Variants in RRM2B observed in about 807,000 individuals in gnomAD.
RRM2B encodes the protein ribonucleoside-diphosphate reductase subunit M2 B.
A neutral mutation model predicts 45.9 loss-of-function variants in RRM2B; 20 were observed. That is an observed-to-expected ratio of 0.44 (90% confidence interval 0.31 to 0.63). RRM2B has a LOEUF of 0.63. Ranked by LOEUF, RRM2B falls within the 30% of genes least tolerant of loss-of-function variation. The pLI is 0.09. For missense variants in RRM2B, 320 were observed against 414.7 expected, an observed-to-expected ratio of 0.77 and a Z score of 1.98; for synonymous variants, 124 against 132.3, an observed-to-expected ratio of 0.94 and a Z score of 0.43.
At chr8:102,210,654 G>T in intron 8 of RRM2B, among the ~76,000 whole-genome samples, 1 of 152,088 alleles carries the variant, frequency 6.6e-6, no homozygotes. Flanking sequence ...GTAGAGACAG[G>T]GTTTCACCAT....
intron 5 of RRM2B, among the ~76,000 whole-genome samples, chr8:102,223,063 A>G (rs1277215583): frequency 1.3e-5 from 2 of 152,178 alleles, no homozygotes; most frequent in African/African-American, 4.8e-5. Context: ...TTCCTCACAT[A>G]AAGAATAAAA....
intron 1 of RRM2B, among the ~76,000 whole-genome samples, chr8:102,235,296 G>A (rs1436213814): frequency 3.3e-5 from 5 of 152,126 alleles, no homozygotes; most frequent in East Asian, 1.9e-4. Context: ...TTTGAATTTG[G>A]GACAAGGGGC....
intron 1 of RRM2B, among the ~76,000 whole-genome samples, chr8:102,235,103 C>T (rs1003512161): frequency 5.3e-5 from 8 of 152,110 alleles, no homozygotes; most frequent in Admixed American, 3.3e-4. Flanking sequence ...AGGCAAATAA[C>T]ATAATCAGAT....
chr8:102,225,530 C>G (rs968864751), intron 3 of RRM2B, among the ~76,000 whole-genome samples: 1 of 152,142 alleles, frequency 6.6e-6, no homozygotes, highest in Non-Finnish European at 1.5e-5. Context: ...CCGTACCCGG[C>G]CTATCTTTCT....
intron 6 of RRM2B, among the ~76,000 whole-genome samples, chr8:102,217,841 G>A (rs28928598): frequency 0.035 from 5,197 of 146,764 alleles, 150 homozygotes; most frequent in Admixed American, 0.085. Context: ...AAAAAAAAAA[G>A]GGGTGGTAAG....
Position 102,205,520 on chromosome 8 carries a change from T to C in RRM2B, c.*2613A>G, listed in dbSNP as rs1810529201. 1 of 152,150 alleles carries C rather than the reference T, an allele frequency of 6.6e-6. No individual in the cohort carries two copies. Among genetic ancestry groups the C allele is most frequent in the Non-Finnish European group, 1.5e-5 (1 of 67,972 alleles). The allele number at this position is 152,150 out of a possible 1,614,324, so 9.4% of individuals were successfully genotyped here. A position where few individuals can be genotyped will look rare whatever the true frequency, so the allele number is the denominator to read the frequency against. On this transcript the variant is annotated 3_prime_UTR_variant, in exon 9 of 9. Coordinates refer to ENST00000251810, the MANE Select transcript of RRM2B (RefSeq NM_015713.5). ...AAAACCCAGTCCTGTCTAAAAGCAA[T>C]GGATCAAACTGTCTTCTCAAGTCCT... is the stretch of plus-strand genomic sequence containing the variant.
At chr8:102,230,437 A>T (rs1811007873) in intron 2 of RRM2B, among the ~76,000 whole-genome samples, 1 of 152,196 alleles carries the variant, frequency 6.6e-6, no homozygotes, top group Non-Finnish European at 1.5e-5. Context: ...GAATCCTAAG[A>T]ATCCTAAGTA....
intron 3 of RRM2B, among the ~76,000 whole-genome samples, chr8:102,225,228 CTTTTTTTTTTT>C (rs918693739): frequency 2.5e-4 from 22 of 87,524 alleles, no homozygotes; most frequent in African/African-American, 7.6e-4. Context: ...ATAGTATATT[CTTTTTTTTTTT>C]TTTTTTTTTT....
At chr8:102,223,818 T>C (rs2132554107) in intron 5 of RRM2B, among the ~76,000 whole-genome samples, 1 of 152,308 alleles carries the variant, frequency 6.6e-6, no homozygotes, top group Middle Eastern at 3.4e-3. Context: ...AATTATGCAC[T>C]AACATCTTAA....
chr8:102,232,416 T>TCA, intron 1 of RRM2B, 112 bp from the exon 2 acceptor site: 1 of 1,059,390 alleles, frequency 9.4e-7, no homozygotes, highest in Non-Finnish European at 1.4e-6. Context: ...AGAGCCTGTC[T>TCA]GCCTGGGTTG....
chr8:102,217,151 AC>A (rs1321540430), intron 6 of RRM2B, among the ~76,000 whole-genome samples: 4 of 152,128 alleles, frequency 2.6e-5, no homozygotes, highest in African/African-American at 7.2e-5. Flanking sequence ...ATTTAACAAA[AC>A]TACTATTTTC....
rs199946278 is a variant in RRM2B, at chr8:102,208,110, A to G, written c.*23T>C. ...TACTATTTACCAATGACAAGTTTAT[A>G]GAGTTTTAAAACGAGAGGTTTTTTA... On this transcript the variant is annotated 3_prime_UTR_variant, in exon 9 of 9. Coordinates refer to ENST00000251810, the MANE Select transcript of RRM2B (RefSeq NM_015713.5). 1.1e-5 allele frequency: 17 copies of G among 1,599,422 alleles called. No individual in the cohort carries two copies. Among genetic ancestry groups the G allele is most frequent in the Middle Eastern group, 1.7e-4 (1 of 6,042 alleles).
chr8:102,233,452 G>A (rs376237454), intron 1 of RRM2B, among the ~76,000 whole-genome samples: 1 of 152,180 alleles, frequency 6.6e-6, no homozygotes, highest in Non-Finnish European at 1.5e-5. Context: ...TTGTTGTGAT[G>A]TTCCCAGAGC....
intron 1 of RRM2B, among the ~76,000 whole-genome samples, chr8:102,235,719 C>G (rs927992391): frequency 6.6e-6 from 1 of 152,096 alleles, no homozygotes; most frequent in Non-Finnish European, 1.5e-5. Flanking sequence ...TACGCCTGTA[C>G]TCCCAACTAC....
intron 6 of RRM2B, among the ~76,000 whole-genome samples, chr8:102,215,400 T>G (rs1810711851): frequency 6.7e-6 from 1 of 148,856 alleles, no homozygotes; most frequent in Admixed American, 6.7e-5. Context: ...ACAGTGAGAC[T>G]GTTTCAAAAA....
rs1810570567 is a variant in RRM2B at position 102,207,854 on chromosome 8, A to G, written c.*279T>C. Reference sequence around the variant, plus strand: ...TTGCCAAGGGTCACACACTGGAGTAAGGGCAGAACCTTAGACTCATGTCTG... The same window carrying G: ...TTGCCAAGGGTCACACACTGGAGTAGGGGCAGAACCTTAGACTCATGTCTG... On this transcript the variant is annotated 3_prime_UTR_variant, in exon 9 of 9. Coordinates refer to ENST00000251810, the MANE Select transcript of RRM2B (RefSeq NM_015713.5). 6.4e-6 allele frequency: 2 copies of G among 312,868 alleles called. No individual in the cohort carries two copies. The highest frequency in any genetic ancestry group is 8.2e-5 in the South Asian group (2 of 24,368). 19.4% of individuals were successfully genotyped at this position (312,868 alleles called of 1,614,324 possible). A position where few individuals can be genotyped will look rare whatever the true frequency, so the allele number is the denominator to read the frequency against.
intron 3 of RRM2B, 148 bp from the exon 4 acceptor site, chr8:102,225,166 G>T: frequency 3.1e-6 from 2 of 637,456 alleles, no homozygotes; most frequent in East Asian, 3.6e-5. Flanking sequence ...ATTTTAAGCA[G>T]TATCCTAGGC....
chr8:102,224,602 T>C (rs757138589), intron 4 of RRM2B, among the ~76,000 whole-genome samples: 1 of 152,206 alleles, frequency 6.6e-6, no homozygotes, highest in African/African-American at 2.4e-5. Flanking sequence ...ACTCAAATTA[T>C]TGGTTTGAAT....
chr8:102,211,793 T>A (rs1810640407), intron 8 of RRM2B, among the ~76,000 whole-genome samples: 1 of 152,196 alleles, frequency 6.6e-6, no homozygotes, highest in Non-Finnish European at 1.5e-5. Context: ...ATCTTGCAAC[T>A]AAAATGTTAA....
Sources: gnomAD v4.1 joint callset for allele counts (sites outside exome capture counted in the v4.1 genomes callset) on GRCh38, gnomAD v4.1.1 for gene constraint, MANE v1.5 for transcripts, NCBI Gene and HGNC (gene_info 2026-07-23, HGNC 2026-07-21) for gene names.